The following CLSTN2 variants were observed in gnomAD, a reference collection of about 807,000 sequenced individuals.
CLSTN2 encodes the protein calsyntenin 2.
Under a neutral mutation model 101.2 loss-of-function variants are expected in CLSTN2, and 48 were observed. The observed-to-expected ratio is 0.47, with a 90% confidence interval of 0.38 to 0.60. CLSTN2 has a LOEUF of 0.60. CLSTN2 is among the 20% of genes least tolerant of loss of function. CLSTN2 has a pLI of 0.00. For synonymous variants in CLSTN2, 481 were observed against 463.6 expected (o/e 1.04, Z -0.48); for missense variants, 1,160 against 1,238.2 (o/e 0.94, Z 0.95).
chr3:140,071,247 T>C (rs1285150629), intron 1 of CLSTN2, among the ~76,000 whole-genome samples: 1 of 152,118 alleles, frequency 6.6e-6, no homozygotes, highest in African/African-American at 2.4e-5. Context: ...GACATTGCAA[T>C]ACCTTCCGCA....
chr3:139,985,931 G>A (rs975661425), intron 1 of CLSTN2, among the ~76,000 whole-genome samples: 1 of 152,162 alleles, frequency 6.6e-6, no homozygotes, highest in African/African-American at 2.4e-5. Flanking sequence ...TAATTTTGAT[G>A]AATTTAAATT....
At chr3:140,019,890 G>T (rs1490665638) in intron 1 of CLSTN2, among the ~76,000 whole-genome samples, 4 of 152,186 alleles carry the variant, frequency 2.6e-5, no homozygotes, top group African/African-American at 9.7e-5. Context: ...GTACCCAGGG[G>T]ATGCTGGTGC....
chr3:140,307,090 A>G (rs904914572), intron 2 of CLSTN2, among the ~76,000 whole-genome samples: 22 of 152,068 alleles, frequency 1.4e-4, no homozygotes, highest in African/African-American at 5.1e-4. Context: ...TTCCCTGCAC[A>G]AGCTCTCTCT....
At chr3:140,364,851 G>A (rs1253101307) in intron 2 of CLSTN2, among the ~76,000 whole-genome samples, 1 of 152,184 alleles carries the variant, frequency 6.6e-6, no homozygotes. Flanking sequence ...TCCTTACAGT[G>A]GGCATTGGGC....
intron 5 of CLSTN2, among the ~76,000 whole-genome samples, chr3:140,428,747 C>A (rs1194356765): frequency 1.3e-5 from 2 of 152,200 alleles, no homozygotes; most frequent in African/African-American, 4.8e-5. Flanking sequence ...AGAGATGCAG[C>A]CACATAATTG....
chr3:140,533,659 C>T (rs1018058938), intron 9 of CLSTN2, among the ~76,000 whole-genome samples: 3 of 145,078 alleles, frequency 2.1e-5, no homozygotes, highest in Admixed American at 7.1e-5. Flanking sequence ...CGCAGTGAGC[C>T]GAGATCGCGC....
At chr3:140,361,233 G>A (rs1273264848) in intron 2 of CLSTN2, among the ~76,000 whole-genome samples, 1 of 152,140 alleles carries the variant, frequency 6.6e-6, no homozygotes, top group African/African-American at 2.4e-5. Context: ...CATCTTCTTA[G>A]ATTGAACAAA....
At chr3:140,135,090 ACACACAC>A (rs2009587823) in intron 1 of CLSTN2, among the ~76,000 whole-genome samples, 14 of 37,690 alleles carry the variant, frequency 3.7e-4, no homozygotes, top group South Asian at 8.9e-4. Flanking sequence ...TCAAAAAAAC[ACACACAC>A]ACACACACAC....
chr3:139,959,933 C>G (rs1474369043), intron 1 of CLSTN2, among the ~76,000 whole-genome samples: 1 of 152,256 alleles, frequency 6.6e-6, no homozygotes, highest in East Asian at 1.9e-4. Context: ...CCCCTACCAG[C>G]TTATTCTCCT....
At chr3:140,050,935 T>A (rs1330938190) in intron 1 of CLSTN2, among the ~76,000 whole-genome samples, 1 of 152,038 alleles carries the variant, frequency 6.6e-6, no homozygotes, top group East Asian at 1.9e-4. Flanking sequence ...TAAACAGGGG[T>A]AAACAAGGAT....
chr3:140,565,474 G>A (rs997771730), intron 16 of CLSTN2, among the ~76,000 whole-genome samples: 1 of 152,174 alleles, frequency 6.6e-6, no homozygotes, highest in Non-Finnish European at 1.5e-5. Context: ...GGACTGGAAA[G>A]GAAGGGGTAC....
At chr3:139,986,206 G>A (rs1488029691) in intron 1 of CLSTN2, among the ~76,000 whole-genome samples, 3 of 152,146 alleles carry the variant, frequency 2.0e-5, no homozygotes, top group Non-Finnish European at 2.9e-5. Context: ...TTTTTATAAA[G>A]CAAGTTTCAG....
At position 140,567,638 on chromosome 3, in the gene CLSTN2, G is replaced by C. The variant is rs764101083; in HGVS notation, c.*1385G>C. The C allele has an allele frequency of 6.6e-6, 1 of 152,186 alleles. No individual in the cohort carries two copies. Among genetic ancestry groups the C allele is most frequent in the Non-Finnish European group, 1.5e-5 (1 of 68,050 alleles). The allele number at this position is 152,186 out of a possible 1,614,324, so 9.4% of individuals were successfully genotyped here. ...ATTAGGGCCTTGACAGAATTTCCAC[G>C]AAGCTCTGAGAACATGTTTGTTTCG... is the stretch of plus-strand genomic sequence containing the variant. On this transcript the variant is annotated 3_prime_UTR_variant, in exon 17 of 17. Coordinates refer to ENST00000458420, the MANE Select transcript of CLSTN2 (RefSeq NM_022131.3).
intron 2 of CLSTN2, among the ~76,000 whole-genome samples, chr3:140,242,468 A>G (rs780548722): frequency 4.6e-5 from 7 of 152,142 alleles, no homozygotes; most frequent in Non-Finnish European, 7.3e-5. Context: ...GCCATATTGG[A>G]GCCCTGGTGT....
At chr3:140,085,167 C>T (rs1560090122) in intron 1 of CLSTN2, among the ~76,000 whole-genome samples, 1 of 152,192 alleles carries the variant, frequency 6.6e-6, no homozygotes, top group Non-Finnish European at 1.5e-5. Context: ...CATCCAGGGT[C>T]TCTGTGGACA....
At chr3:140,106,338 G>A (rs1203960738) in intron 1 of CLSTN2, among the ~76,000 whole-genome samples, 4 of 152,190 alleles carry the variant, frequency 2.6e-5, no homozygotes, top group Non-Finnish European at 5.9e-5. Context: ...AGACAGATTT[G>A]ATCAAGAAAG....
chr3:139,955,829 A>T (rs927337555), intron 1 of CLSTN2, among the ~76,000 whole-genome samples: 1 of 152,206 alleles, frequency 6.6e-6, no homozygotes, highest in Non-Finnish European at 1.5e-5. Context: ...GGGGAATCAC[A>T]GCCCCGGAGG....
intron 8 of CLSTN2, among the ~76,000 whole-genome samples, chr3:140,495,812 C>G (rs1934452762): frequency 6.6e-6 from 1 of 152,074 alleles, no homozygotes; most frequent in Non-Finnish European, 1.5e-5. Flanking sequence ...TATTCTGTTC[C>G]ATTGGTCTAT....
intron 12 of CLSTN2, among the ~76,000 whole-genome samples, chr3:140,561,030 T>C (rs1185929868): frequency 6.6e-6 from 1 of 151,848 alleles, no homozygotes; most frequent in Non-Finnish European, 1.5e-5. Context: ...AATATATTTT[T>C]GATATCATTT....
Sources: gnomAD v4.1 joint callset for allele counts (sites outside exome capture counted in the v4.1 genomes callset) on GRCh38, gnomAD v4.1.1 for gene constraint, MANE v1.5 for transcripts, NCBI Gene and HGNC (gene_info 2026-07-23, HGNC 2026-07-21) for gene names.